Variants in SLC35D1 observed in about 807,000 individuals in gnomAD.
SLC35D1 encodes the protein nucleotide sugar transporter SLC35D1.
A neutral mutation model predicts 46.7 loss-of-function variants in SLC35D1; 31 were observed. The ratio of observed to expected loss-of-function variants is 0.66; its 90% confidence interval spans 0.50 to 0.90. The LOEUF (loss-of-function observed/expected upper bound fraction) is 0.90. SLC35D1 is among the 40% of genes least tolerant of loss of function. SLC35D1 has a pLI of 0.00. For missense variants in SLC35D1, 397 were observed against 426.2 expected, an observed-to-expected ratio of 0.93 and a Z score of 0.60; for synonymous variants, 195 against 164.6, an observed-to-expected ratio of 1.18 and a Z score of -1.41.
At chr1:66,987,797 C>CTAGA in the SLC35D1 span, 1 of 152,056 alleles carries the variant, frequency 6.6e-6, no homozygotes, top group Non-Finnish European at 1.5e-5. Flanking sequence ...TCTTCTATTC[C>CTAGA]TAGACATATT....
chr1:67,052,378 T>C (rs542473014), intron 3 of SLC35D1, among the ~76,000 whole-genome samples: 3 of 152,260 alleles, frequency 2.0e-5, no homozygotes, highest in Admixed American at 2.0e-4. Context: ...TTAGAGCCCA[T>C]GGCTCTATTG....
At chr1:66,978,448 A>G in the SLC35D1 span, among the ~76,000 whole-genome samples, 2 of 152,202 alleles carry the variant, frequency 1.3e-5, no homozygotes, top group Non-Finnish European at 2.9e-5. Flanking sequence ...GGTGATTGCT[A>G]AAGTGGAATT....
chr1:66,978,886 T>C, the SLC35D1 span, among the ~76,000 whole-genome samples: 1 of 152,190 alleles, frequency 6.6e-6, no homozygotes, highest in Non-Finnish European at 1.5e-5. Context: ...GATCTCCCCA[T>C]AGCTTCTGAA....
chr1:66,975,983 C>CT, the SLC35D1 span, among the ~76,000 whole-genome samples: 2,980 of 141,920 alleles, frequency 0.021, 94 homozygotes, highest in African/African-American at 0.071. Flanking sequence ...ACTTCCAGGC[C>CT]TTTTTTTTGT....
the SLC35D1 span, chr1:66,987,407 A>G: frequency 6.6e-6 from 1 of 152,648 alleles, no homozygotes; most frequent in East Asian, 1.9e-4. Flanking sequence ...CACCCCCAAC[A>G]AAGCACTATC....
the SLC35D1 span, among the ~76,000 whole-genome samples, chr1:66,989,539 T>G: frequency 1.3e-5 from 2 of 152,230 alleles, no homozygotes; most frequent in African/African-American, 4.8e-5. Flanking sequence ...CATGGCTCAC[T>G]GCAGCCTTGA....
In SLC35D1 at chr1:67,013,158, A is replaced by ATATATATATATATATATATCTATG; in HGVS notation, c.877-3992_877-3991insCATAGATATATATATATATATATA. Among the ~76,000 whole-genome samples, 8 of 103,642 alleles carry ATATATATATATATATATATCTATG rather than the reference A, an allele frequency of 7.7e-5. 1 individual carries two copies. The highest frequency in any genetic ancestry group is 1.1e-4 in the African/African-American group (2 of 17,744). The allele number at this position is 103,642 out of a possible 152,430, so 68.0% of individuals were successfully genotyped here. On this transcript the variant is annotated intron_variant, in intron 10 of 11. Transcript: ENST00000235345. ...TAATTTAAGAACATATATCCTGGAG[A>ATATATATATATATATATATCTATG]TATATATATATCCTGTTCTTAAATT... is the stretch of plus-strand genomic sequence containing the variant.
At chr1:67,043,984 G>A (rs188535314) in intron 7 of SLC35D1, among the ~76,000 whole-genome samples, 13 of 152,250 alleles carry the variant, frequency 8.5e-5, no homozygotes, top group East Asian at 3.9e-4. Flanking sequence ...GAGAAAAGTC[G>A]AACTGCCTTC....
At chr1:66,985,137 T>C in the SLC35D1 span, 39 of 1,108,068 alleles carry the variant, frequency 3.5e-5, no homozygotes, top group South Asian at 1.1e-3. Flanking sequence ...ACTAAAGATA[T>C]ATCTCTACCT....
At chr1:67,013,210 A>G (rs1667612616) in intron 10 of SLC35D1, among the ~76,000 whole-genome samples, 1 of 85,068 alleles carries the variant, frequency 1.2e-5, no homozygotes, top group Non-Finnish European at 2.6e-5. Context: ...AAACTCTCTC[A>G]AAATTATGTT....
intron 8 of SLC35D1, among the ~76,000 whole-genome samples, chr1:67,032,764 A>G (rs568942833): frequency 1.3e-5 from 2 of 152,276 alleles, no homozygotes; most frequent in African/African-American, 4.8e-5. Context: ...TGTATTACAA[A>G]CAATCCAATT....
chr1:66,979,841 T>C, the SLC35D1 span, among the ~76,000 whole-genome samples: 1 of 151,864 alleles, frequency 6.6e-6, no homozygotes, highest in South Asian at 2.1e-4. Flanking sequence ...CTCGGCTCAC[T>C]GCAACCTCCA....
chr1:67,042,251 T>C lies in SLC35D1; in HGVS notation c.714A>G (p.Thr238=). 1 of 1,614,132 alleles carries C rather than the reference T, an allele frequency of 6.2e-7. No individual in the cohort carries two copies. Among genetic ancestry groups the C allele is most frequent in the Admixed American group, 1.7e-5 (1 of 60,034 alleles). Residue 238 remains threonine (T), a synonymous_variant, in exon 8 of 12, where the codon ACA becomes ACG. Transcript: ENST00000235345. ...ILPTLAIAYF[T]GDAQKAVEFE... ...AAAGTCCTACCTTTTGTGCATCTCC[T>C]GTGAAATACGCAATGGCCAGGGTGG...
At chr1:67,029,550 T>C (rs1424943252) in intron 8 of SLC35D1, among the ~76,000 whole-genome samples, 3 of 152,240 alleles carry the variant, frequency 2.0e-5, no homozygotes, top group African/African-American at 7.2e-5. Context: ...ATGTCATTTC[T>C]GCAGAGTTCC....
In SLC35D1 at chr1:67,005,497, C is replaced by T. The variant is rs147404923; in HGVS notation, c.960-1049G>A. ...GCCATTCTCTGAGACTCCAATCAAC[C>T]CAAAATAAAGCCTTTTCCAATTTAA... On this transcript the variant is annotated intron_variant, in intron 11 of 11. Coordinates refer to ENST00000235345, the MANE Select transcript of SLC35D1 (RefSeq NM_015139.3). 6.8e-4 allele frequency among the ~76,000 whole-genome samples: 103 copies of T among 152,290 alleles called. No homozygotes were observed. In the East Asian group the frequency reaches 0.012, roughly 18 times the overall value.
rs1667318959 is a variant in SLC35D1, at chr1:67,000,579, A to C, written c.*3761T>G. On this transcript the variant is annotated 3_prime_UTR_variant, in exon 12 of 12. Transcript: ENST00000235345. ...TCTAGCATTTACGGAGCATAAATTA[A>C]GAATCTTGTTTTGCCTTGAGTCTCA... 1 of 152,318 alleles carries C rather than the reference A, an allele frequency of 6.6e-6. No homozygotes were observed. Among genetic ancestry groups the C allele is most frequent in the African/African-American group, 2.4e-5 (1 of 41,430 alleles). 9.4% of individuals were successfully genotyped at this position (152,318 alleles called of 1,614,324 possible).
At chr1:67,025,770 T>C (rs1352827423) in intron 8 of SLC35D1, among the ~76,000 whole-genome samples, 1 of 152,210 alleles carries the variant, frequency 6.6e-6, no homozygotes, top group African/African-American at 2.4e-5. Context: ...ACAGGTAACA[T>C]ATTTTGTTAA....
At chr1:67,023,041 T>C (rs1350979275) in intron 8 of SLC35D1, among the ~76,000 whole-genome samples, 1 of 152,220 alleles carries the variant, frequency 6.6e-6, no homozygotes, top group Non-Finnish European at 1.5e-5. Flanking sequence ...ATTAGTATTC[T>C]ATCTTATGGG....
chr1:67,042,437 CCCCTA>C, intron 7 of SLC35D1, 109 bp from the exon 8 acceptor site: 1 of 898,564 alleles, frequency 1.1e-6, no homozygotes, highest in Non-Finnish European at 1.9e-6. Context: ...CACACACCCT[CCCCTA>C]CAACATACAC....
Sources: gnomAD v4.1 joint callset for allele counts (sites outside exome capture counted in the v4.1 genomes callset) on GRCh38, gnomAD v4.1.1 for gene constraint, MANE v1.5 for transcripts, NCBI Gene and HGNC (gene_info 2026-07-23, HGNC 2026-07-21) for gene names.